SYCE2: variants seen among roughly 807,000 people sequenced by gnomAD.
SYCE2 encodes the protein synaptonemal complex central element protein 2.
SYCE2 carries 3 observed loss-of-function variants against 27.9 expected under a neutral mutation model. The observed-to-expected ratio is 0.11, with a 90% confidence interval of 0.05 to 0.28. The LOEUF (loss-of-function observed/expected upper bound fraction) is 0.28, where lower values mean the gene tolerates loss of function less well. Ranked by LOEUF, SYCE2 falls within the 10% of genes least tolerant of loss-of-function variation. The probability of loss-of-function intolerance (pLI) is 1.00; values close to 1 mark genes in which losing one functional copy is unlikely to be tolerated. For missense variants in SYCE2, 207 were observed against 263.5 expected (o/e 0.79, Z 1.48); for synonymous variants, 85 against 100.7 (o/e 0.84, Z 0.93).
At position 12,911,935 on chromosome 19, in the gene SYCE2, TTTTG is replaced by T. The variant is rs201808089; in HGVS notation, c.131+6283_131+6286del. On this transcript the variant is annotated intron_variant, in intron 2 of 5. Coordinates refer to ENST00000293695, the MANE Select transcript of SYCE2 (RefSeq NM_001105578.2). ...GCCCAGTGCAGCCTTACTGTTTTCTTTTTGTTTGTTTGTTTTTTTCAAGACAGAG... is the reference window on the plus strand; with the variant it reads ...GCCCAGTGCAGCCTTACTGTTTTCTTTTTGTTTGTTTTTTTCAAGACAGAG... Among the ~76,000 whole-genome samples the T allele has an allele frequency of 1.7e-3, 243 of 139,070 alleles. No homozygotes were observed. The East Asian group carries it at 0.019, about 11-fold the overall frequency. 91.2% of individuals were successfully genotyped at this position (139,070 alleles called of 152,430 possible).
chr19:12,905,093 G>A (rs1019582485), intron 2 of SYCE2, among the ~76,000 whole-genome samples: 11 of 151,904 alleles, frequency 7.2e-5, no homozygotes, highest in African/African-American at 2.4e-4. Context: ...GGGGACCCGC[G>A]TTGTTGCCTT....
intron 2 of SYCE2, among the ~76,000 whole-genome samples, chr19:12,915,329 G>C (rs57116391): frequency 1.3e-5 from 2 of 151,980 alleles, no homozygotes; most frequent in Admixed American, 1.3e-4. Context: ...AGCCGGGCGC[G>C]GTGGCTCACG....
At chr19:12,900,692 T>C in intron 3 of SYCE2, 44 bp from the exon 4 acceptor site, 1 of 1,554,366 alleles carries the variant, frequency 6.4e-7, no homozygotes. Flanking sequence ...AAACAAGAGG[T>C]ATCACAAGAC....
chr19:12,900,096 G>GC lies in SYCE2; in HGVS notation c.519dup (p.Pro174AlafsTer5). 3 of 1,612,794 alleles carry GC rather than the reference G, an allele frequency of 1.9e-6. No homozygotes were observed. Among genetic ancestry groups the GC allele is most frequent in the Non-Finnish European group, 2.5e-6 (3 of 1,179,716 alleles). ...GGGGACTTTCCCCTAGAGTGGTCTG[G>GC]CCCCCATCTGAGTCTTAGGCTCTGC... On this transcript the variant is annotated frameshift_variant, in exon 5 of 6. Transcript: ENST00000293695. LOFTEE classifies it high-confidence loss of function.
At chr19:12,906,704 C>T (rs1299347775) in intron 2 of SYCE2, among the ~76,000 whole-genome samples, 4 of 152,062 alleles carry the variant, frequency 2.6e-5, no homozygotes, top group South Asian at 2.1e-4. Context: ...GGCAGGAGTT[C>T]GAGACCAGCC....
At chr19:12,917,659 C>CTTTTTTTTT (rs71168635) in intron 2 of SYCE2, among the ~76,000 whole-genome samples, 8,361 of 78,918 alleles carry the variant, frequency 0.11, 1,842 homozygotes, top group African/African-American at 0.23. Flanking sequence ...CCATTCCTGG[C>CTTTTTTTTT]TTTTTTTTTT....
Position 12,899,362 on chromosome 19 carries a change from G to A in SYCE2, c.636C>T (p.Thr212=). The change falls in exon 6 of 6, where the codon ACC becomes ACT. Residue 212 remains threonine (T), a synonymous_variant. Transcript: ENST00000293695. ...TSQATASEVQ[T]NRDGEC ...GCTGTCAGCATTCACCATCTCTGTT[G>A]GTCTGTACTTCTGAAGCAGTGGCCT... 6.2e-7 allele frequency: 1 copy of A among 1,614,020 alleles called. No homozygotes were observed. The highest frequency in any genetic ancestry group is 1.7e-5 in the Admixed American group (1 of 60,006).
intron 5 of SYCE2, 172 bp from the exon 6 acceptor site, chr19:12,899,557 G>T: frequency 1.2e-6 from 2 of 1,614,104 alleles, no homozygotes; most frequent in Non-Finnish European, 1.7e-6. Context: ...TCCATCAGGG[G>T]CCCGAAACTC....
chr19:12,908,490 A>G (rs751119620), intron 2 of SYCE2, among the ~76,000 whole-genome samples: 3 of 151,652 alleles, frequency 2.0e-5, no homozygotes, highest in Non-Finnish European at 4.4e-5. Flanking sequence ...ACGCCCGGCT[A>G]ATTTTTTGTA....
At position 12,918,729 on chromosome 19, in the gene SYCE2, G is replaced by A. The variant is rs140851406; in HGVS notation, c.16-392C>T. Among the ~76,000 whole-genome samples, 84 of 152,130 alleles carry A rather than the reference G, an allele frequency of 5.5e-4. No homozygotes were observed. The East Asian group carries it at 0.016, about 29-fold the overall frequency. On this transcript the variant is annotated intron_variant, in intron 1 of 5. Coordinates refer to ENST00000293695, the MANE Select transcript of SYCE2 (RefSeq NM_001105578.2). ...AGCACTTTGGGAGGCGGAGGCGGGC[G>A]GATCACGAGGTCAGGAGTGCGAGAA...
At chr19:12,899,541 A>T in intron 5 of SYCE2, 156 bp from the exon 6 acceptor site, 1 of 1,614,138 alleles carries the variant, frequency 6.2e-7, no homozygotes, top group Non-Finnish European at 8.5e-7. Context: ...CCAGCAAGTG[A>T]GCCGCTCCAT....
intron 2 of SYCE2, among the ~76,000 whole-genome samples, chr19:12,907,588 C>T (rs1012694833): frequency 1.3e-5 from 2 of 151,336 alleles, no homozygotes; most frequent in African/African-American, 2.4e-5. Flanking sequence ...ATCAGGAGTT[C>T]GAGATCAGCC....
Position 12,903,021 on chromosome 19 carries a change from G to A in SYCE2, c.306+1471C>T, listed in dbSNP as rs149746379. 7.6e-3 allele frequency among the ~76,000 whole-genome samples: 1,040 copies of A among 137,100 alleles called. 14 individuals are homozygous for A. The highest frequency in any genetic ancestry group is 0.026 in the African/African-American group (976 of 37,326). 89.9% of individuals were successfully genotyped at this position (137,100 alleles called of 152,430 possible). On this transcript the variant is annotated intron_variant, in intron 3 of 5. Transcript: ENST00000293695. ...CTACTCCAGCCTGGGCTGGGCAACA[G>A]AGCGAGACTCTGTCTCAAAAAAAAA...
At chr19:12,918,950 CA>C (rs751137312) in intron 1 of SYCE2, among the ~76,000 whole-genome samples, 56 of 57,104 alleles carry the variant, frequency 9.8e-4, no homozygotes, top group South Asian at 1.5e-3. Context: ...TACTTCGTCT[CA>C]AAAAAAAAAA....
At chr19:12,918,154 G>T in intron 2 of SYCE2, 68 bp downstream of exon 2, 1 of 1,338,056 alleles carries the variant, frequency 7.5e-7, no homozygotes, top group Non-Finnish European at 1.1e-6. Flanking sequence ...ATAGCCTTGT[G>T]GAAGAAAAGG....
intron 2 of SYCE2, among the ~76,000 whole-genome samples, chr19:12,909,154 A>G (rs544964440): frequency 2.6e-5 from 4 of 152,174 alleles, no homozygotes; most frequent in African/African-American, 7.2e-5. Flanking sequence ...GCCATCCTTC[A>G]TCTTTGTATC....
At chr19:12,918,675 C>G (rs1449465700) in intron 1 of SYCE2, among the ~76,000 whole-genome samples, 1 of 152,056 alleles carries the variant, frequency 6.6e-6, no homozygotes, top group African/African-American at 2.4e-5. Context: ...GAGATGAGGC[C>G]GGGCGCGGTG....
chr19:12,915,103 A>G (rs1227418593), intron 2 of SYCE2, among the ~76,000 whole-genome samples: 1 of 152,216 alleles, frequency 6.6e-6, no homozygotes. Flanking sequence ...TCAACAGATG[A>G]GTGGATAAAC....
intron 2 of SYCE2, among the ~76,000 whole-genome samples, chr19:12,911,626 T>C (rs1568437758): frequency 6.8e-6 from 1 of 146,974 alleles, no homozygotes; most frequent in Non-Finnish European, 1.5e-5. Flanking sequence ...TTTTTTTTTT[T>C]TTTTTTTTTT....
Sources: allele counts gnomAD v4.1 joint callset (sites outside exome capture counted in the v4.1 genomes callset), GRCh38; gene constraint gnomAD v4.1.1; transcripts MANE v1.5; gene names NCBI Gene and HGNC (gene_info 2026-07-23, HGNC 2026-07-21).